Variants in SOX5 observed in about 807,000 individuals in gnomAD.
The protein encoded by SOX5 is transcription factor SOX-5.
Under a neutral mutation model 92.0 loss-of-function variants are expected in SOX5, and 9 were observed. The ratio of observed to expected loss-of-function variants is 0.10; its 90% CI spans 0.06 to 0.17. The LOEUF (loss-of-function observed/expected upper bound fraction) is 0.17. SOX5 is among the 10% of genes least tolerant of loss of function. The pLI, the probability that SOX5 is intolerant of heterozygous loss-of-function variation, is 1.00. For missense variants in SOX5, 642 were observed against 944.5 expected (o/e 0.68, Z 4.20); for synonymous variants, 344 against 336.3 (o/e 1.02, Z -0.25).
chr12:24,141,713 ATACAAG>A (rs67492389), intron 4 of SOX5, among the ~76,000 whole-genome samples: 54,861 of 151,836 alleles, frequency 0.36, 11,613 homozygotes, highest in East Asian at 0.74. Context: ...TTTATTATTT[ATACAAG>A]TACATCAATG....
upstream of SOX5, among the ~76,000 whole-genome samples, chr12:23,951,651 T>TACAC (rs1176730692): frequency 5.4e-5 from 4 of 74,716 alleles, no homozygotes; most frequent in African/African-American, 1.8e-4. Flanking sequence ...AAAATATATA[T>TACAC]ATACACACAC....
intron 4 of SOX5, among the ~76,000 whole-genome samples, chr12:24,087,675 G>A (rs974877127): frequency 2.0e-5 from 3 of 151,952 alleles, no homozygotes; most frequent in Admixed American, 6.6e-5. Context: ...GCATAACCCT[G>A]GCTTGTAAAC....
chr12:24,319,793 C>A (rs987072423), intron 2 of SOX5, among the ~76,000 whole-genome samples: 2 of 152,210 alleles, frequency 1.3e-5, no homozygotes, highest in Non-Finnish European at 2.9e-5. Context: ...AGGCCATCAT[C>A]TTGCACTATC....
chr12:24,420,347 C>T lies in SOX5; in HGVS notation c.-250-51708G>A, dbSNP rs12316177. On this transcript the variant is annotated intron_variant, in intron 1 of 4. Transcript: ENST00000446891. The stretch of plus-strand genomic sequence containing the variant: ...AACATCTTAACATACCCAGTACACG[C>T]GAAGCTATCAAAGATAACTACAGCC... Among the ~76,000 whole-genome samples the T allele has an allele frequency of 4.1e-3, 620 of 152,140 alleles. 8 individuals are homozygous for T. The highest frequency in any genetic ancestry group is 0.013 in the African/African-American group (555 of 41,506).
At chr12:23,902,743 C>T (rs550949420) in intron 1 of SOX5, among the ~76,000 whole-genome samples, 48 of 152,070 alleles carry the variant, frequency 3.2e-4, no homozygotes, top group African/African-American at 1.2e-3. Flanking sequence ...CACTTTATGT[C>T]ACCAAAATTA....
rs140920934 is a variant in SOX5, at chr12:23,849,824, A to G, written c.271-3631T>C. ...AAAGAATTATTTAAACCAAATATATAGATTTATATTTCTACATGACTAATC... is the reference window on the plus strand; with the variant it reads ...AAAGAATTATTTAAACCAAATATATGGATTTATATTTCTACATGACTAATC... On this transcript the variant is annotated intron_variant, in intron 2 of 14. Coordinates refer to ENST00000451604, the MANE Select transcript of SOX5 (RefSeq NM_006940.6). Among the ~76,000 whole-genome samples, 290 of 152,290 alleles carry G rather than the reference A, an allele frequency of 1.9e-3. 3 individuals are homozygous for G. The highest frequency in any genetic ancestry group is 6.9e-3 in the African/African-American group (286 of 41,576).
chr12:23,595,116 T>C (rs561903409), intron 9 of SOX5, among the ~76,000 whole-genome samples: 2 of 152,298 alleles, frequency 1.3e-5, no homozygotes, highest in African/African-American at 4.8e-5. Context: ...CAGCTGTAGT[T>C]CTACTGGCTT....
chr12:24,434,070 C>T (rs953668486), intron 1 of SOX5, among the ~76,000 whole-genome samples: 9 of 152,028 alleles, frequency 5.9e-5, no homozygotes, highest in Admixed American at 5.9e-4. Flanking sequence ...GGAAAGTTTC[C>T]AGAACTAAGG....
intron 5 of SOX5, among the ~76,000 whole-genome samples, chr12:23,735,418 T>C (rs1477588193): frequency 6.6e-6 from 1 of 152,202 alleles, no homozygotes; most frequent in Non-Finnish European, 1.5e-5. Flanking sequence ...TCCCCGATCA[T>C]GAACTTTCTC....
At chr12:24,513,811 G>T (rs145564851) in intron 1 of SOX5, among the ~76,000 whole-genome samples, 1 of 152,274 alleles carries the variant, frequency 6.6e-6, no homozygotes, top group Non-Finnish European at 1.5e-5. Context: ...ACAATTTTAA[G>T]GATAGGAAAC....
At chr12:24,063,200 C>T (rs1451679833) in intron 4 of SOX5, among the ~76,000 whole-genome samples, 1 of 152,148 alleles carries the variant, frequency 6.6e-6, no homozygotes, top group Non-Finnish European at 1.5e-5. Context: ...AGAATAGACC[C>T]TTATTCACAT....
chr12:24,496,265 A>G (rs2138053576), intron 1 of SOX5, among the ~76,000 whole-genome samples: 1 of 152,334 alleles, frequency 6.6e-6, no homozygotes, highest in South Asian at 2.1e-4. Context: ...GTTTACTCAA[A>G]CTTTTTGGAA....
At chr12:23,701,678 G>T (rs777430437) in intron 6 of SOX5, among the ~76,000 whole-genome samples, 31 of 151,970 alleles carry the variant, frequency 2.0e-4, no homozygotes, top group Non-Finnish European at 3.7e-4. Flanking sequence ...TACTAGAGGT[G>T]ATTTTTCAGT....
intron 2 of SOX5, among the ~76,000 whole-genome samples, chr12:24,326,781 T>TAC (rs1306084119): frequency 1.7e-4 from 7 of 42,346 alleles, no homozygotes; most frequent in African/African-American, 2.4e-4. Flanking sequence ...CACCCATTCA[T>TAC]ACACACACAT....
intron 4 of SOX5, among the ~76,000 whole-genome samples, chr12:24,172,822 T>A (rs1443568748): frequency 6.6e-6 from 1 of 152,208 alleles, no homozygotes; most frequent in Non-Finnish European, 1.5e-5. Context: ...AATTAGGCTA[T>A]GAAAGCAGAG....
At chr12:23,814,456 A>T (rs985758513) in intron 3 of SOX5, among the ~76,000 whole-genome samples, 1 of 152,180 alleles carries the variant, frequency 6.6e-6, no homozygotes, top group East Asian at 1.9e-4. Context: ...GAGAAGCAGG[A>T]CCCCAATACT....
intron 1 of SOX5, among the ~76,000 whole-genome samples, chr12:24,403,509 AT>A (rs1332107486): frequency 2.0e-5 from 3 of 152,156 alleles, no homozygotes; most frequent in Non-Finnish European, 2.9e-5. Context: ...CACTGTGAGC[AT>A]TTTTTTACTC....
upstream of SOX5, among the ~76,000 whole-genome samples, chr12:23,950,274 AC>A: frequency 6.6e-6 from 1 of 152,050 alleles, no homozygotes; most frequent in Non-Finnish European, 1.5e-5. Context: ...ACACACACAC[AC>A]ACACACTCAC....
chr12:24,273,242 C>A (rs982766290), intron 3 of SOX5, among the ~76,000 whole-genome samples: 4 of 152,124 alleles, frequency 2.6e-5, no homozygotes, highest in African/African-American at 9.7e-5. Flanking sequence ...CTGGGCCACC[C>A]AGTGAGACGC....
Sources: allele counts gnomAD v4.1 joint callset (sites outside exome capture counted in the v4.1 genomes callset), GRCh38; gene constraint gnomAD v4.1.1; transcripts MANE v1.5; gene names NCBI Gene and HGNC (gene_info 2026-07-23, HGNC 2026-07-21).